PLXNA1: variants seen among roughly 807,000 people sequenced by gnomAD.
The protein encoded by PLXNA1 is plexin A1, also known as plexin-A1.
Under a neutral mutation model 191.7 loss-of-function variants are expected in PLXNA1, and 77 were observed. That is an observed-to-expected ratio of 0.40 (90% CI 0.33 to 0.49). The LOEUF (loss-of-function observed/expected upper bound fraction) is 0.49, where lower values mean the gene tolerates loss of function less well. Ranked by LOEUF, PLXNA1 falls within the 20% of genes least tolerant of loss-of-function variation. The pLI is 0.63. For synonymous variants in PLXNA1, 1,137 were observed against 1,156.4 expected, an observed-to-expected ratio of 0.98 and a Z score of 0.34; for missense variants, 2,110 against 2,660.2, an observed-to-expected ratio of 0.79 and a Z score of 4.55.
chr3:127,009,232 T>C (rs2079083980), intron 9 of PLXNA1, among the ~76,000 whole-genome samples: 1 of 151,992 alleles, frequency 6.6e-6, no homozygotes, highest in African/African-American at 2.4e-5. Flanking sequence ...CTTGGGATGG[T>C]TTTGGGGCTG....
At chr3:127,011,107 T>TA (rs1176850677) in intron 9 of PLXNA1, among the ~76,000 whole-genome samples, 1 of 152,142 alleles carries the variant, frequency 6.6e-6, no homozygotes, top group Admixed American at 6.5e-5. Flanking sequence ...ACAGCATAGG[T>TA]ATGGCCACTG....
intron 4 of PLXNA1, 62 bp downstream of exon 4, chr3:127,003,532 AG>A: frequency 6.5e-7 from 1 of 1,530,478 alleles, no homozygotes; most frequent in East Asian, 2.4e-5. Context: ...CAGGAACCCC[AG>A]TCACAGAGCA....
intron 3 of PLXNA1, among the ~76,000 whole-genome samples, chr3:127,001,199 G>A (rs2079038403): frequency 6.6e-6 from 1 of 152,112 alleles, no homozygotes; most frequent in Admixed American, 6.5e-5. Flanking sequence ...TGGAGCTGGT[G>A]TGCCCCCTGG....
Position 127,014,001 on chromosome 3 carries a change from C to A in PLXNA1, c.2314-19C>A. ...GAGGCCGCTTAGCTGGGAAGCCTGA[C>A]GGTGCCATCACCTAACAGTACTCCT... On this transcript the variant is annotated intron_variant, in intron 10 of 31. Transcript: ENST00000393409. 6.2e-7 allele frequency: 1 copy of A among 1,608,098 alleles called. No individual in the cohort carries two copies. The highest frequency in any genetic ancestry group is 8.5e-7 in the Non-Finnish European group (1 of 1,174,934).
intron 9 of PLXNA1, 34 bp from the exon 10 acceptor site, chr3:127,011,924 C>T: frequency 6.3e-7 from 1 of 1,595,006 alleles, no homozygotes; most frequent in Non-Finnish European, 8.6e-7. Context: ...CTGGTCTCCG[C>T]CCCCGGGCTC....
In PLXNA1 at chr3:126,993,036, A is replaced by G. The variant is rs1415234391; in HGVS notation, c.1377+1470A>G. Among the ~76,000 whole-genome samples, 3 of 152,248 alleles carry G rather than the reference A, an allele frequency of 2.0e-5. No individual in the cohort carries two copies. The South Asian group carries it at 6.2e-4, about 32-fold the overall frequency. On this transcript the variant is annotated intron_variant, in intron 3 of 31. Transcript: ENST00000393409. ...AGAGCCTGTTACCCAGCCAGTGACC[A>G]GGTTCCTCTAGCCCTACCCTGTTCC...
chr3:126,988,794 A>G lies in PLXNA1; in HGVS notation c.201A>G (p.Ala67=). The change falls in exon 2 of 32, where the codon GCA becomes GCG. Residue 67 remains alanine (A), a synonymous_variant. Coordinates refer to ENST00000393409, the MANE Select transcript of PLXNA1 (RefSeq NM_032242.4). ...HEQTGEVYVG[A]VNRIYKLSGN... Reference sequence around the variant, plus strand: ...AGACAGGCGAGGTGTATGTGGGCGCAGTGAACCGCATCTATAAGCTGTCGG... The same window carrying G: ...AGACAGGCGAGGTGTATGTGGGCGCGGTGAACCGCATCTATAAGCTGTCGG... 1 of 1,611,392 alleles carries G rather than the reference A, an allele frequency of 6.2e-7. No homozygotes were observed. Among genetic ancestry groups the G allele is most frequent in the South Asian group, 1.1e-5 (1 of 90,758 alleles).
chr3:127,009,993 G>T (rs2079087944), intron 9 of PLXNA1, among the ~76,000 whole-genome samples: 1 of 152,222 alleles, frequency 6.6e-6, no homozygotes, highest in Admixed American at 6.5e-5. Context: ...ACAGTTGCAT[G>T]CCCCGCCAGT....
At position 127,017,810 on chromosome 3, in the gene PLXNA1, G is replaced by A; in HGVS notation, c.3578G>A (p.Gly1193Asp). ...NSRLNYTVLI[G>D]STPCTLTVSE... is the part of the protein sequence containing the mutation. ...CGACTCAACTACACGGTGCTCATCG[G>A]CTCCACACCCTGTACCCTCACCGTG... is the stretch of plus-strand genomic sequence containing the variant. The change falls in exon 19 of 32, where the codon GGC becomes GAC. Residue 1193 changes from glycine to aspartate, a missense_variant. By Grantham distance (94) the Gly-to-Asp change is moderately conservative. Transcript: ENST00000393409. 1 of 1,613,112 alleles carries A rather than the reference G, an allele frequency of 6.2e-7. No individual in the cohort carries two copies. Among genetic ancestry groups the A allele is most frequent in the Non-Finnish European group, 8.5e-7 (1 of 1,180,016 alleles).
In PLXNA1 at chr3:127,015,337, G is replaced by T. The variant is rs1331975225; in HGVS notation, c.3014+17G>T. 10 of 1,587,770 alleles carry T rather than the reference G, an allele frequency of 6.3e-6. No individual in the cohort carries two copies. Among genetic ancestry groups the T allele is most frequent in the South Asian group, 1.1e-5 (1 of 89,526 alleles). ...CTTCTCCTGGTACGGGGTGCAGGTG[G>T]GGGTGGGGGCCTGGCTGCCCCTCCT... On this transcript the variant is annotated intron_variant, in intron 15 of 31. Transcript: ENST00000393409.
Position 127,018,455 on chromosome 3 carries a change from T to G in PLXNA1, c.3822T>G (p.Ala1274=), listed in dbSNP as rs367670657. The G allele has an allele frequency of 6.6e-5, 106 of 1,612,944 alleles. No homozygotes were observed. Among genetic ancestry groups the G allele is most frequent in the Non-Finnish European group, 8.9e-5 (105 of 1,179,980 alleles). The part of the protein sequence containing the change: ...LIAYKRKSRD[A]DRTLKRLQLQ... ...CCTACAAGCGCAAGTCACGAGATGC[T>G]GACCGCACACTCAAGCGGCTGCAGC... Residue 1274 remains alanine, a synonymous_variant, in exon 20 of 32, where the codon GCT becomes GCG. Coordinates refer to ENST00000393409, the MANE Select transcript of PLXNA1 (RefSeq NM_032242.4).
In PLXNA1 at chr3:127,004,804, G is replaced by A. The variant is rs558433408; in HGVS notation, c.1620-81G>A. On this transcript the variant is annotated intron_variant, in intron 5 of 31. Transcript: ENST00000393409. Reference sequence around the variant, plus strand: ...AGCCTGGTGCAGGGCAAGCCACCCCGAGTTCTCTGCCCAGGTCCCGCCTGG... The same window carrying A: ...AGCCTGGTGCAGGGCAAGCCACCCCAAGTTCTCTGCCCAGGTCCCGCCTGG... The A allele has an allele frequency of 1.2e-4, 186 of 1,588,836 alleles. No homozygotes were observed. In the African/African-American group the frequency reaches 1.9e-3, roughly 16 times the overall value.
Position 126,988,880 on chromosome 3 carries a change from A to C in PLXNA1, c.287A>C (p.Tyr96Ser). 6.2e-7 allele frequency: 1 copy of C among 1,613,208 alleles called. No homozygotes were observed. Among genetic ancestry groups the C allele is most frequent in the Non-Finnish European group, 8.5e-7 (1 of 1,179,982 alleles). ...CCTGTGGAGGACAACGAGAAGTGCT[A>C]CCCGCCGCCCAGCGTGCAGTCCTGC... The part of the protein sequence containing the change: ...TGPVEDNEKC[Y>S]PPPSVQSCPH... Residue 96 changes from tyrosine to serine, a missense_variant, in exon 2 of 32, where the codon TAC becomes TCC. Tyr to Ser is a moderately radical substitution (Grantham distance 144). Around this residue, in one of 4 missense-constraint regions of PLXNA1, gnomAD observed 903 missense variants for 1,015.7 expected, o/e 0.89. Coordinates refer to ENST00000393409, the MANE Select transcript of PLXNA1 (RefSeq NM_032242.4).
intron 3 of PLXNA1, among the ~76,000 whole-genome samples, chr3:126,993,061 C>G (rs1479650289): frequency 6.6e-6 from 1 of 152,198 alleles, no homozygotes; most frequent in Non-Finnish European, 1.5e-5. Flanking sequence ...TACCCTGTTC[C>G]TGCTGCCCAG....
At chr3:127,007,761 C>T (rs190964539) in intron 8 of PLXNA1, 38 bp from the exon 9 acceptor site, 12 of 1,403,046 alleles carry the variant, frequency 8.6e-6, no homozygotes, top group East Asian at 2.3e-5. Context: ...CACGTGGTTG[C>T]GGGTCCCCAG....
At chr3:127,027,646 C>T in intron 23 of PLXNA1, 2 of 552,730 alleles carry the variant, frequency 3.6e-6, no homozygotes, top group Non-Finnish European at 6.9e-6. Context: ...CTCCCTGATG[C>T]AGGTCCCGCG....
chr3:127,024,597 C>T (rs1220364222), intron 23 of PLXNA1, among the ~76,000 whole-genome samples: 1 of 152,144 alleles, frequency 6.6e-6, no homozygotes, highest in East Asian at 1.9e-4. Flanking sequence ...TGCCCATGAC[C>T]CCAGCCCACC....
rs921455825 is a variant in PLXNA1, at chr3:127,036,824, T to G, written c.*2807T>G. 5.2e-5 allele frequency: 8 copies of G among 152,436 alleles called. No individual in the cohort carries two copies. The highest frequency in any genetic ancestry group is 1.9e-4 in the African/African-American group (8 of 41,572). The allele number at this position is 152,436 out of a possible 1,614,324, so 9.4% of individuals were successfully genotyped here. A position where few individuals can be genotyped will look rare whatever the true frequency, so the allele number is the denominator to read the frequency against. On this transcript the variant is annotated 3_prime_UTR_variant, in exon 32 of 32. Coordinates refer to ENST00000393409, the MANE Select transcript of PLXNA1 (RefSeq NM_032242.4). The stretch of plus-strand genomic sequence containing the variant: ...GCCACTTGCTTCCTGCAGCACCTCC[T>G]ACCCTGCTCCGTGTCCTCCCTCTCC...
Position 126,989,007 on chromosome 3 carries a change from C to T in PLXNA1, c.414C>T (p.Cys138=), listed in dbSNP as rs758086170. Residue 138 remains cysteine (C), a synonymous_variant, in exon 2 of 32, where the codon TGC becomes TGT. Transcript: ENST00000393409. ...GTGGCAGCGCCTCCCAGGGCATCTG[C>T]CAGTTCCTGCGTCTGGACGATCTCT... ...LACGSASQGI[C]QFLRLDDLFK... 1 of 1,613,278 alleles carries T rather than the reference C, an allele frequency of 6.2e-7. No individual in the cohort carries two copies. Among genetic ancestry groups the T allele is most frequent in the East Asian group, 2.2e-5 (1 of 44,880 alleles).
Sources: gnomAD v4.1 joint callset for allele counts (sites outside exome capture counted in the v4.1 genomes callset) on GRCh38, gnomAD v4.1.1 for gene constraint, gnomAD v4.1.1 regional missense constraint, MANE v1.5 for transcripts, NCBI Gene and HGNC (gene_info 2026-07-23, HGNC 2026-07-21) for gene names.